COPB1: variants seen among roughly 807,000 people sequenced by gnomAD.
COPB1 encodes coat protein complex I subunit beta 1, also known as coatomer subunit beta.
Under a neutral mutation model 108.7 loss-of-function variants are expected in COPB1, and 21 were observed. The observed-to-expected ratio is 0.19, with a 90% confidence interval of 0.14 to 0.28. COPB1 has a LOEUF of 0.28. COPB1 is among the 10% of genes least tolerant of loss of function. The probability of loss-of-function intolerance (pLI) is 1.00; values close to 1 mark genes in which losing one functional copy is unlikely to be tolerated. For synonymous variants in COPB1, 378 were observed against 386.8 expected (o/e 0.98, Z 0.27); for missense variants, 919 against 1,141.3 (o/e 0.81, Z 2.81).
chr11:14,475,093 C>CAA (rs146181255), intron 13 of COPB1, among the ~76,000 whole-genome samples: 13 of 71,536 alleles, frequency 1.8e-4, no homozygotes, highest in Admixed American at 6.1e-4. Flanking sequence ...GACTCTGTGT[C>CAA]AAAAAAAAAA....
chr11:14,469,623 C>G, intron 14 of COPB1, 60 bp from the exon 15 acceptor site: 2 of 1,358,858 alleles, frequency 1.5e-6, no homozygotes, highest in Non-Finnish European at 2.1e-6. Context: ...GCAATCATGT[C>G]ACTTCATTAT....
chr11:14,464,491 A>G (rs1350280162), intron 18 of COPB1, among the ~76,000 whole-genome samples: 1 of 152,202 alleles, frequency 6.6e-6, no homozygotes. Flanking sequence ...ACTCTATACA[A>G]GCTAATCCCT....
At position 14,479,805 on chromosome 11, in the gene COPB1, CTTTT is replaced by C; in HGVS notation, c.1213-95_1213-92del. Reference sequence around the variant, plus strand: ...AGAAATAAATTAAAAGAATGTAATTCTTTTTTTGTTTTCTAAGAGACAGGGTCTT... The same window carrying C: ...AGAAATAAATTAAAAGAATGTAATTCTTTGTTTTCTAAGAGACAGGGTCTT... On this transcript the variant is annotated intron_variant, in intron 10 of 21. Transcript: ENST00000439561. 7.0e-6 allele frequency: 9 copies of C among 1,292,146 alleles called. No individual in the cohort carries two copies. The South Asian group carries it at 9.4e-5, about 14-fold the overall frequency. 80.0% of individuals were successfully genotyped at this position (1,292,146 alleles called of 1,614,324 possible).
chr11:14,470,246 G>A (rs1850370294), intron 14 of COPB1, among the ~76,000 whole-genome samples: 1 of 152,146 alleles, frequency 6.6e-6, no homozygotes, highest in Non-Finnish European at 1.5e-5. Context: ...AAAGAACTGA[G>A]GCCAGTTGTT....
At chr11:14,481,815 G>A (rs1850666717) in intron 8 of COPB1, among the ~76,000 whole-genome samples, 1 of 151,978 alleles carries the variant, frequency 6.6e-6, no homozygotes, top group Non-Finnish European at 1.5e-5. Flanking sequence ...TTGAGATGGA[G>A]TCTTGCTCTG....
In COPB1 at chr11:14,490,550, T is replaced by A. The variant is rs758972445; in HGVS notation, c.606+15A>T. 78 of 1,487,746 alleles carry A rather than the reference T, an allele frequency of 5.2e-5. No homozygotes were observed. The highest frequency in any genetic ancestry group is 6.6e-5 in the Non-Finnish European group (71 of 1,076,614). 92.2% of individuals were successfully genotyped at this position (1,487,746 alleles called of 1,614,324 possible). A position where few individuals can be genotyped will look rare whatever the true frequency, so the allele number is the denominator to read the frequency against. On this transcript the variant is annotated intron_variant, in intron 5 of 21. Transcript: ENST00000439561. ...TAAATACAGTAATAAGAGTATTTTTTAAAAAGTACCTCACCTGATCTGCAT... is the reference window on the plus strand; with the variant it reads ...TAAATACAGTAATAAGAGTATTTTTAAAAAAGTACCTCACCTGATCTGCAT...
chr11:14,465,062 TACACACACACACACACAC>T lies in COPB1; in HGVS notation c.2291-50_2291-33del, dbSNP rs3835110. On this transcript the variant is annotated intron_variant, in intron 17 of 21. Coordinates refer to ENST00000439561, the MANE Select transcript of COPB1 (RefSeq NM_001144061.2). ...GAAAGAGTTTGGATATGGTTAAAAATACACACACACACACACACACACACACACACACACACACACACA... is the reference window on the plus strand; with the variant it reads ...GAAAGAGTTTGGATATGGTTAAAAATACACACACACACACACACACACACA... 271 of 1,113,414 alleles carry T rather than the reference TACACACACACACACACAC, an allele frequency of 2.4e-4. 1 individual carries two copies. Among genetic ancestry groups the T allele is most frequent in the Admixed American group, 7.0e-4 (29 of 41,458 alleles). The allele number at this position is 1,113,414 out of a possible 1,614,324, so 69.0% of individuals were successfully genotyped here.
Position 14,465,016 on chromosome 11 carries a change from C to T in COPB1, c.2305G>A (p.Val769Met), listed in dbSNP as rs1850251128. The T allele has an allele frequency of 6.2e-7, 1 of 1,609,204 alleles. No individual in the cohort carries two copies. Residue 769 changes from valine (V) to methionine (M), a missense_variant, in exon 18 of 22, where the codon GTG becomes ATG. Physicochemically the swap from Val to Met is conservative, Grantham distance 21 (BLOSUM62 1). Around this residue, in one of 5 missense-constraint regions of COPB1, gnomAD observed 705 missense variants for 817.8 expected, o/e 0.86. Transcript: ENST00000439561. ...AGAGTCAAAGGAGACGGCTTTTCCA[C>T]AAGTTTCAGATCCCCTGAAAGAAAG... Reference protein sequence around the residue: ...ELATLGDLKLVEKPSPLTLAP... With the variant: ...ELATLGDLKLMEKPSPLTLAP...
chr11:14,471,093 T>C (rs1170067176), intron 14 of COPB1, among the ~76,000 whole-genome samples: 3 of 151,916 alleles, frequency 2.0e-5, no homozygotes, highest in African/African-American at 7.3e-5. Flanking sequence ...CTTTCTAAAG[T>C]GTACAAAAAA....
Position 14,465,040 on chromosome 11 carries a change from A to T in COPB1, c.2291-10T>A. ...ACAAGTTTCAGATCCCCTGAAAGAA[A>T]GAGTTTGGATATGGTTAAAAATACA... On this transcript the variant is annotated splice_polypyrimidine_tract_variant and intron_variant, in intron 17 of 21. Coordinates refer to ENST00000439561, the MANE Select transcript of COPB1 (RefSeq NM_001144061.2). The T allele has an allele frequency of 1.2e-6, 2 of 1,606,760 alleles. No homozygotes were observed. The highest frequency in any genetic ancestry group is 2.7e-5 in the African/African-American group (2 of 73,900).
chr11:14,492,834 C>T (rs1169757715), intron 4 of COPB1, among the ~76,000 whole-genome samples: 3 of 152,120 alleles, frequency 2.0e-5, no homozygotes, highest in Non-Finnish European at 4.4e-5. Context: ...CTAACTGGTT[C>T]CTTAAATTGG....
intron 10 of COPB1, 61 bp from the exon 11 acceptor site, chr11:14,479,775 G>T: frequency 7.1e-7 from 1 of 1,411,886 alleles, no homozygotes; most frequent in Non-Finnish European, 9.6e-7. Flanking sequence ...AAATTATCTA[G>T]GACAAGAAAT....
At chr11:14,474,978 C>A (rs1850486899) in intron 13 of COPB1, among the ~76,000 whole-genome samples, 1 of 151,296 alleles carries the variant, frequency 6.6e-6, no homozygotes, top group African/African-American at 2.4e-5. Flanking sequence ...AACCTGTAAT[C>A]CCAGCTACTC....
chr11:14,467,771 G>A (rs1850315531), intron 16 of COPB1, among the ~76,000 whole-genome samples: 1 of 152,166 alleles, frequency 6.6e-6, no homozygotes. Context: ...ATTATACTGA[G>A]TGAAATATGC....
At chr11:14,483,728 AAGAG>A (rs1850711558) in intron 7 of COPB1, among the ~76,000 whole-genome samples, 1 of 152,158 alleles carries the variant, frequency 6.6e-6, no homozygotes, top group South Asian at 2.1e-4. Context: ...GGAGGGAGGG[AAGAG>A]AAAGAACAGC....
intron 15 of COPB1, 45 bp downstream of exon 15, chr11:14,469,291 G>A (rs1397599067): frequency 3.3e-6 from 5 of 1,510,526 alleles, no homozygotes; most frequent in East Asian, 2.3e-5. Context: ...GCCACTGCAC[G>A]AAGAGACACA....
rs1589962506 is a variant in COPB1 at position 14,481,233 on chromosome 11, G to T, written c.958-136C>A. On this transcript the variant is annotated intron_variant, in intron 8 of 21. Transcript: ENST00000439561. ...AATAACAAAACCACTAGTGGTGGAA[G>T]AACTAGATAGTTTGGGTCTCCTGAT... 4.7e-6 allele frequency: 3 copies of T among 643,540 alleles called. No homozygotes were observed. In the East Asian group the frequency reaches 8.2e-5, roughly 18 times the overall value. The allele number at this position is 643,540 out of a possible 1,614,324, so 39.9% of individuals were successfully genotyped here.
intron 18 of COPB1, among the ~76,000 whole-genome samples, chr11:14,464,000 A>G (rs980695600): frequency 2.0e-5 from 3 of 152,220 alleles, no homozygotes; most frequent in African/African-American, 4.8e-5. Flanking sequence ...ATATAATGCT[A>G]TAAGTCATTC....
chr11:14,478,240 T>C (rs755824224), intron 11 of COPB1, among the ~76,000 whole-genome samples: 1 of 151,758 alleles, frequency 6.6e-6, no homozygotes, highest in Non-Finnish European at 1.5e-5. Context: ...TAGGACACAG[T>C]GAAGGCAAAT....
Sources: allele counts gnomAD v4.1 joint callset (sites outside exome capture counted in the v4.1 genomes callset), GRCh38; gene constraint gnomAD v4.1.1; regional missense constraint gnomAD v4.1.1; transcripts MANE v1.5; gene names NCBI Gene and HGNC (gene_info 2026-07-23, HGNC 2026-07-21).